CFDP1: variants seen among roughly 807,000 people sequenced by gnomAD.
CFDP1 encodes the protein chromatin remodeling protein CFDP1, also known as heterochromatin-stabilizing protein CFDP1.
In CFDP1, 31 loss-of-function variants were observed where a neutral mutation model predicts 40.1. The ratio of observed to expected loss-of-function variants is 0.77; its 90% CI spans 0.58 to 1.04. The LOEUF (loss-of-function observed/expected upper bound fraction) is 1.04. Ranked by LOEUF, CFDP1 falls within the 50% of genes least tolerant of loss-of-function variation. The pLI is 0.00. For synonymous variants in CFDP1, 167 were observed against 120.0 expected, an observed-to-expected ratio of 1.39 and a Z score of -2.56; for missense variants, 423 against 343.4, an observed-to-expected ratio of 1.23 and a Z score of -1.83.
intron 4 of CFDP1, among the ~76,000 whole-genome samples, chr16:75,397,205 C>A (rs150491978): frequency 6.6e-6 from 1 of 151,296 alleles, no homozygotes; most frequent in African/African-American, 2.4e-5. Flanking sequence ...TGAGCCACTG[C>A]GCCCAGCGTT....
chr16:75,378,799 T>C (rs1008868803), intron 5 of CFDP1, among the ~76,000 whole-genome samples: 1 of 152,170 alleles, frequency 6.6e-6, no homozygotes, highest in Non-Finnish European at 1.5e-5. Flanking sequence ...ACAAAGATAC[T>C]GGTCTTTCCA....
intron 5 of CFDP1, among the ~76,000 whole-genome samples, chr16:75,368,146 G>T (rs1407604748): frequency 6.6e-6 from 1 of 152,200 alleles, no homozygotes; most frequent in South Asian, 2.1e-4. Flanking sequence ...TGTGGACCTT[G>T]TTTACATCCT....
chr16:75,426,151 G>A (rs2079340897), intron 1 of CFDP1, among the ~76,000 whole-genome samples: 1 of 148,192 alleles, frequency 6.7e-6, no homozygotes, highest in African/African-American at 2.5e-5. Context: ...GGGAGTTCAA[G>A]ACCAGCCTGA....
At chr16:75,347,499 G>A in intron 5 of CFDP1, among the ~76,000 whole-genome samples, 1 of 151,956 alleles carries the variant, frequency 6.6e-6, no homozygotes, top group Non-Finnish European at 1.5e-5. Flanking sequence ...TTAACACGGT[G>A]AAACCCTGTC....
chr16:75,325,106 T>A (rs777130609), intron 5 of CFDP1: 3 of 152,276 alleles, frequency 2.0e-5, no homozygotes, highest in Non-Finnish European at 4.4e-5. Context: ...TAAATACTAT[T>A]TGTATGCCTA....
chr16:75,301,077 G>A (rs772296627), intron 6 of CFDP1, among the ~76,000 whole-genome samples: 1 of 152,196 alleles, frequency 6.6e-6, no homozygotes, highest in Non-Finnish European at 1.5e-5. Context: ...GCATGGTGAG[G>A]TCAGTAATGG....
At chr16:75,331,620 T>C (rs901982802) in intron 5 of CFDP1, among the ~76,000 whole-genome samples, 1 of 152,234 alleles carries the variant, frequency 6.6e-6, no homozygotes, top group Non-Finnish European at 1.5e-5. Flanking sequence ...GAACTTTATG[T>C]AGATGGAATA....
chr16:75,339,581 C>G (rs1020256197), intron 5 of CFDP1, among the ~76,000 whole-genome samples: 1 of 152,144 alleles, frequency 6.6e-6, no homozygotes, highest in African/African-American at 2.4e-5. Flanking sequence ...CAATCTCCAT[C>G]GGTTACAGGG....
intron 5 of CFDP1, among the ~76,000 whole-genome samples, chr16:75,314,987 A>G (rs1395764254): frequency 6.6e-6 from 1 of 152,034 alleles, no homozygotes; most frequent in Non-Finnish European, 1.5e-5. Context: ...CCTGACCTCA[A>G]GTGATCCGCC....
chr16:75,328,145 T>A (rs899901472), intron 5 of CFDP1, among the ~76,000 whole-genome samples: 2 of 126,734 alleles, frequency 1.6e-5, no homozygotes, highest in East Asian at 4.3e-4. Flanking sequence ...TGGTACTTGA[T>A]TTTTTTTTTT....
chr16:75,422,375 G>GT (rs1444314443), intron 1 of CFDP1, among the ~76,000 whole-genome samples: 1 of 149,670 alleles, frequency 6.7e-6, no homozygotes, highest in African/African-American at 2.5e-5. Flanking sequence ...GATTACAGGC[G>GT]TGAGCCACTG....
chr16:75,402,377 T>C (rs544490013), intron 4 of CFDP1, among the ~76,000 whole-genome samples: 2 of 152,322 alleles, frequency 1.3e-5, no homozygotes, highest in South Asian at 4.1e-4. Context: ...AAAAGGTGAA[T>C]CATTTAGGAA....
rs555078836 is a variant in CFDP1, at chr16:75,319,012, T to C, written c.651-13830A>G. Among the ~76,000 whole-genome samples the C allele has an allele frequency of 1.4e-3, 206 of 152,246 alleles. 1 individual carries two copies. Among genetic ancestry groups the C allele is most frequent in the Non-Finnish European group, 2.7e-3 (185 of 68,024 alleles). The stretch of plus-strand genomic sequence containing the variant: ...ATGAAACTCATAGGAGCCGAACACA[T>C]TTTGCAAAATTACTCCCTCTCAATA... On this transcript the variant is annotated intron_variant, in intron 5 of 6. Transcript: ENST00000283882.
intron 5 of CFDP1, among the ~76,000 whole-genome samples, chr16:75,329,869 G>T (rs1361104310): frequency 1.3e-5 from 2 of 152,206 alleles, no homozygotes; most frequent in Non-Finnish European, 1.5e-5. Context: ...ATACAGAAGA[G>T]TAAGCATGGT....
At chr16:75,401,737 G>C (rs1374915618) in intron 4 of CFDP1, among the ~76,000 whole-genome samples, 1 of 149,826 alleles carries the variant, frequency 6.7e-6, no homozygotes. Flanking sequence ...GTTTGGTTTT[G>C]TTTTTTACTA....
intron 4 of CFDP1, among the ~76,000 whole-genome samples, chr16:75,411,204 C>A (rs138842646): frequency 6.6e-6 from 1 of 151,670 alleles, no homozygotes; most frequent in Non-Finnish European, 1.5e-5. Context: ...ACAACGGGAG[C>A]GAGACTCCAT....
intron 1 of CFDP1, among the ~76,000 whole-genome samples, chr16:75,431,883 T>C (rs1037605207): frequency 6.7e-5 from 7 of 105,168 alleles, no homozygotes; most frequent in Non-Finnish European, 1.6e-4. Flanking sequence ...TTAAATAAAA[T>C]AGGGATGAGG....
At chr16:75,409,432 C>T (rs1215606253) in intron 4 of CFDP1, 2 of 152,214 alleles carry the variant, frequency 1.3e-5, no homozygotes, top group Admixed American at 6.5e-5. Context: ...GCCCCGCCGC[C>T]ACAAAGAGAG....
intron 5 of CFDP1, among the ~76,000 whole-genome samples, chr16:75,324,279 G>A (rs1210062570): frequency 1.3e-5 from 2 of 152,116 alleles, no homozygotes; most frequent in African/African-American, 4.8e-5. Flanking sequence ...AGGGGGACGA[G>A]CTGGGATAGA....
Sources: allele counts gnomAD v4.1 joint callset (sites outside exome capture counted in the v4.1 genomes callset), GRCh38; gene constraint gnomAD v4.1.1; transcripts MANE v1.5; gene names NCBI Gene and HGNC (gene_info 2026-07-23, HGNC 2026-07-21).